The following LONRF3 variants were observed in gnomAD, a reference collection of about 807,000 sequenced individuals.
The protein encoded by LONRF3 is LON peptidase N-terminal domain and RING finger protein 3.
Under a neutral mutation model 51.7 loss-of-function variants are expected in LONRF3, and 19 were observed. The ratio of observed to expected loss-of-function variants is 0.37; its 90% CI spans 0.26 to 0.54. LONRF3 has a LOEUF of 0.54. LONRF3 is among the 20% of genes least tolerant of loss of function. LONRF3 has a pLI of 0.86. For missense variants in LONRF3, 521 were observed against 623.9 expected (o/e 0.84, Z 1.76); for synonymous variants, 265 against 257.8 (o/e 1.03, Z -0.27).
intron 2 of LONRF3, among the ~76,000 whole-genome samples, chrX:118,978,997 T>C (rs1333508142): frequency 1.2e-5 from 1 of 83,309 alleles, no homozygotes; most frequent in Non-Finnish European, 2.2e-5. Context: ...CTGTTTTCTT[T>C]CTTTTTTTTT....
At chrX:118,986,966 T>C (rs1399929594) in intron 3 of LONRF3, 57 of 1,152,261 alleles carry the variant, frequency 4.9e-5, no homozygotes, top group Non-Finnish European at 1.1e-6. Context: ...CGGGGGATTC[T>C]CAGGAACATT....
intron 5 of LONRF3, among the ~76,000 whole-genome samples, chrX:119,004,489 ATGGGATTG>A (rs1204632760): frequency 2.7e-5 from 3 of 112,484 alleles, no homozygotes; most frequent in African/African-American, 9.7e-5. Context: ...GCAGAGATTA[ATGGGATTG>A]TGTAACACAG....
rs1397241381 is a variant in LONRF3 at position 119,018,305 on chromosome X, G to A, written c.*615G>A. ...AGGGGGAAATAACAATACTAGAAGT[G>A]TGCAGTTTTTGCTTTTATCTTTTTT... On this transcript the variant is annotated 3_prime_UTR_variant, in exon 11 of 11. Transcript: ENST00000371628. The A allele has an allele frequency of 8.9e-6, 1 of 112,148 alleles. No homozygotes were observed. The highest frequency in any genetic ancestry group is 1.9e-5 in the Non-Finnish European group (1 of 53,258). The allele number at this position is 112,148 out of a possible 1,213,427, so 9.2% of individuals were successfully genotyped here.
intron 3 of LONRF3, among the ~76,000 whole-genome samples, chrX:118,987,430 A>G (rs1373659504): frequency 2.4e-5 from 2 of 84,732 alleles, no homozygotes; most frequent in Admixed American, 2.8e-4. Context: ...GGCACGTGCC[A>G]CCATGCCTGG....
At chrX:118,991,292 C>G (rs1923412177) in intron 5 of LONRF3, among the ~76,000 whole-genome samples, 1 of 112,172 alleles carries the variant, frequency 8.9e-6, no homozygotes, top group Admixed American at 9.4e-5. Flanking sequence ...AATTGCATTA[C>G]ATTCTTAGCC....
rs932032030 is a variant in LONRF3 at position 119,014,284 on chromosome X, G to A, written c.2052G>A (p.Ser684=). ...VYQQASLWFH[S]LKLSLKNRIL... ...AGCAAGCATCATTGTGGTTTCATTC[G>A]CTCAAATTATCCCTAAAGAATCGGA... The change falls in exon 10 of 11, where the codon TCG becomes TCA. Residue 684 remains serine, a synonymous_variant. Coordinates refer to ENST00000371628, the MANE Select transcript of LONRF3 (RefSeq NM_001031855.3). 8.3e-7 allele frequency: 1 copy of A among 1,208,057 alleles called. No homozygotes were observed. The highest frequency in any genetic ancestry group is 1.1e-6 in the Non-Finnish European group (1 of 893,643).
In LONRF3 at chrX:118,974,637, C is replaced by T; in HGVS notation, c.-144C>T. On this transcript the variant is annotated 5_prime_UTR_variant, in exon 1 of 11. Coordinates refer to ENST00000371628, the MANE Select transcript of LONRF3 (RefSeq NM_001031855.3). ...ACAGTTATTAGGCGGCGCGGGGCGG[C>T]CGGCATGGAGCTCCCGGAGGCGCGG... 2.0e-6 allele frequency: 1 copy of T among 488,779 alleles called. No homozygotes were observed. The highest frequency in any genetic ancestry group is 3.4e-6 in the Non-Finnish European group (1 of 290,177). The allele number at this position is 488,779 out of a possible 1,213,427, so 40.3% of individuals were successfully genotyped here.
At chrX:119,016,330 A>ATTTC (rs199994110) in intron 10 of LONRF3, among the ~76,000 whole-genome samples, 29,441 of 91,955 alleles carry the variant, frequency 0.32, 4,759 homozygotes, top group Middle Eastern at 0.45. Flanking sequence ...GGCAGAATAT[A>ATTTC]TTTCTTTCTT....
chrX:118,994,689 C>T (rs887751460), intron 5 of LONRF3, among the ~76,000 whole-genome samples: 1 of 111,693 alleles, frequency 9.0e-6, no homozygotes, highest in Admixed American at 9.5e-5. Flanking sequence ...GCATGAGTCA[C>T]TGCACCCGGC....
At chrX:118,994,564 G>A (rs778745730) in intron 5 of LONRF3, among the ~76,000 whole-genome samples, 1 of 110,475 alleles carries the variant, frequency 9.1e-6, no homozygotes, top group South Asian at 3.9e-4. Flanking sequence ...CACCATGCCC[G>A]GCTAATTTTT....
chrX:118,992,212 G>A (rs1433509605), intron 5 of LONRF3, among the ~76,000 whole-genome samples: 2 of 111,368 alleles, frequency 1.8e-5, no homozygotes, highest in African/African-American at 6.5e-5. Context: ...TGAAGGAAGC[G>A]GGTTGCTTCT....
intron 8 of LONRF3, chrX:119,012,822 T>C: frequency 1.0e-5 from 10 of 985,204 alleles, no homozygotes; most frequent in Non-Finnish European, 1.4e-5. Flanking sequence ...ACATAGTATG[T>C]GCTCAATAAA....
chrX:119,004,188 T>C (rs982474091), intron 5 of LONRF3, among the ~76,000 whole-genome samples: 4 of 112,090 alleles, frequency 3.6e-5, no homozygotes, highest in Non-Finnish European at 5.6e-5. Context: ...TAAATAACTT[T>C]GCTTTTTGGC....
At chrX:118,993,389 G>C (rs1199613562) in intron 5 of LONRF3, among the ~76,000 whole-genome samples, 4 of 111,511 alleles carry the variant, frequency 3.6e-5, no homozygotes, top group Non-Finnish European at 7.5e-5. Flanking sequence ...GCCCTGGAAA[G>C]TCTCAGCAAT....
intron 2 of LONRF3, among the ~76,000 whole-genome samples, chrX:118,979,526 G>GCAATCCA (rs1452534386): frequency 9.4e-6 from 1 of 106,813 alleles, no homozygotes; most frequent in Non-Finnish European, 1.9e-5. Context: ...CTGGCCTCAA[G>GCAATCCA]CAATCCACTT....
At chrX:118,978,056 C>T (rs917342511) in intron 1 of LONRF3, among the ~76,000 whole-genome samples, 1 of 111,299 alleles carries the variant, frequency 9.0e-6, no homozygotes, top group Non-Finnish European at 1.9e-5. Context: ...AGCCACATCT[C>T]GCCTATGTCA....
chrX:119,000,286 A>T (rs1478410469), intron 5 of LONRF3, among the ~76,000 whole-genome samples: 1 of 112,323 alleles, frequency 8.9e-6, no homozygotes, highest in Non-Finnish European at 1.9e-5. Flanking sequence ...CATTGGTAGA[A>T]AAACAAGTTA....
At chrX:119,010,886 G>A (rs980816536) in intron 7 of LONRF3, among the ~76,000 whole-genome samples, 17 of 110,624 alleles carry the variant, frequency 1.5e-4, no homozygotes, top group Non-Finnish European at 2.8e-4. Context: ...GGCAGAGGCC[G>A]GTGGATTGCT....
chrX:119,009,508 C>T lies in LONRF3; in HGVS notation c.1652+261C>T, dbSNP rs188941027. On this transcript the variant is annotated intron_variant, in intron 7 of 10. Transcript: ENST00000371628. ...CCAGTGATGAGGGTACGCCCTGCCCCCAGTAACAGGGTATTGTTGGCAAGA... is the reference window on the plus strand; with the variant it reads ...CCAGTGATGAGGGTACGCCCTGCCCTCAGTAACAGGGTATTGTTGGCAAGA... Among the ~76,000 whole-genome samples, 311 of 111,779 alleles carry T rather than the reference C, an allele frequency of 2.8e-3. 1 individual carries two copies. Among genetic ancestry groups the T allele is most frequent in the African/African-American group, 9.4e-3 (288 of 30,748 alleles).
Sources: allele counts gnomAD v4.1 joint callset (sites outside exome capture counted in the v4.1 genomes callset), GRCh38; gene constraint gnomAD v4.1.1; transcripts MANE v1.5; gene names NCBI Gene and HGNC (gene_info 2026-07-23, HGNC 2026-07-21).